Variants in MBD5 observed in about 807,000 individuals in gnomAD.
The protein encoded by MBD5 is methyl-CpG binding domain protein 5.
A neutral mutation model predicts 117.3 loss-of-function variants in MBD5; 13 were observed. The ratio of observed to expected loss-of-function variants is 0.11; its 90% CI spans 0.07 to 0.18. The LOEUF (loss-of-function observed/expected upper bound fraction) is 0.18, where lower values mean the gene tolerates loss of function less well. Among genes scored for constraint, MBD5 ranks in the 10% least tolerant of loss-of-function variants. MBD5 has a pLI of 1.00. For synonymous variants in MBD5, 727 were observed against 766.4 expected (o/e 0.95, Z 0.85); for missense variants, 1,879 against 2,093.8 (o/e 0.90, Z 2.00).
At chr2:148,050,062 C>T (rs947838466) in intron 1 of MBD5, among the ~76,000 whole-genome samples, 1 of 152,092 alleles carries the variant, frequency 6.6e-6, no homozygotes, top group African/African-American at 2.4e-5. Flanking sequence ...TTAACACATT[C>T]CTAGGAATGT....
In MBD5 at chr2:148,407,362, GTGTGTGTTTGTGTGTGTGTGTGTC is replaced by G. The variant is rs1017181988; in HGVS notation, c.-556-50833_-556-50810del. ...TGAGTGTGTGTGTGTGTGTGTGTGT[GTGTGTGTTTGTGTGTGTGTGTGTC>G]TGTGTGTCTGTATGTATTTATGTAT... On this transcript the variant is annotated intron_variant, in intron 4 of 13. Coordinates refer to ENST00000642680, the MANE Select transcript of MBD5 (RefSeq NM_001378120.1). Among the ~76,000 whole-genome samples the G allele has an allele frequency of 2.0e-4, 30 of 151,822 alleles. No individual in the cohort carries two copies. In the East Asian group the frequency reaches 4.3e-3, roughly 22 times the overall value.
At position 148,489,613 on chromosome 2, in the gene MBD5, T is replaced by G. The variant is rs755982193; in HGVS notation, c.3981T>G (p.Asp1327Glu). 8 of 1,614,058 alleles carry G rather than the reference T, an allele frequency of 5.0e-6. No individual in the cohort carries two copies. The South Asian group carries it at 8.8e-5, about 18-fold the overall frequency. ...SVDAIYKAVV[D>E]AASKGMQVVI... is the part of the protein sequence containing the mutation. Reference sequence around the variant, plus strand: ...ATGCCATTTACAAAGCAGTTGTCGATGCAGCCAGCAAAGGAATGCAGGTTG... The same window carrying G: ...ATGCCATTTACAAAGCAGTTGTCGAGGCAGCCAGCAAAGGAATGCAGGTTG... The change falls in exon 11 of 14, where the codon GAT becomes GAG. Residue 1327 changes from aspartate to glutamate, a missense_variant. Transcript: ENST00000642680.
intron 3 of MBD5, among the ~76,000 whole-genome samples, chr2:148,336,459 T>G (rs1479531093): frequency 6.6e-6 from 1 of 152,214 alleles, no homozygotes; most frequent in Non-Finnish European, 1.5e-5. Flanking sequence ...CAATTCTGGC[T>G]CGCTGCAACC....
intron 3 of MBD5, among the ~76,000 whole-genome samples, chr2:148,294,274 G>A (rs1419773561): frequency 6.9e-6 from 1 of 144,418 alleles, no homozygotes; most frequent in Non-Finnish European, 1.5e-5. Flanking sequence ...ATTCAGGCTG[G>A]AGTGCAGTGG....
chr2:148,469,362 G>T lies in MBD5; in HGVS notation c.1419G>T (p.Met473Ile). 6.2e-7 allele frequency: 1 copy of T among 1,613,662 alleles called. No individual in the cohort carries two copies. Among genetic ancestry groups the T allele is most frequent in the Non-Finnish European group, 8.5e-7 (1 of 1,179,920 alleles). The change falls in exon 8 of 14, where the codon ATG becomes ATT. Residue 473 changes from methionine (M) to isoleucine (I), a missense_variant. By Grantham distance (10) the Met-to-Ile change is conservative. This residue lies in a region of MBD5 where 1,666 missense variants were observed against 1,792.2 expected (regional missense o/e 0.93). Transcript: ENST00000642680. ...SSTSSDHGNF[M>I]MPPVGPQATS... ...CATCATCAGATCATGGAAATTTCAT[G>T]ATGCCACCTGTAGGACCCCAGGCCA...
At chr2:148,046,635 C>T (rs1057185241) in intron 1 of MBD5, among the ~76,000 whole-genome samples, 3 of 152,162 alleles carry the variant, frequency 2.0e-5, no homozygotes, top group Non-Finnish European at 4.4e-5. Context: ...TGTTTTCCTT[C>T]CTAATTCCTA....
intron 4 of MBD5, among the ~76,000 whole-genome samples, chr2:148,427,830 A>C (rs1173396866): frequency 6.6e-6 from 1 of 151,156 alleles, no homozygotes; most frequent in African/African-American, 2.4e-5. Context: ...AGAAGGAAAT[A>C]CCCAAAAATG....
At chr2:148,200,171 C>G (rs758099732) in intron 2 of MBD5, among the ~76,000 whole-genome samples, 7 of 149,124 alleles carry the variant, frequency 4.7e-5, no homozygotes, top group Admixed American at 2.7e-4. Context: ...GCAGTCCCCC[C>G]CTTACCTTGC....
At chr2:148,421,887 T>C (rs1431985729) in intron 4 of MBD5, among the ~76,000 whole-genome samples, 6 of 152,176 alleles carry the variant, frequency 3.9e-5, no homozygotes, top group Non-Finnish European at 7.3e-5. Flanking sequence ...TCTAGATTCC[T>C]CCTCTCTGGG....
chr2:148,241,287 T>C (rs1026477094), intron 3 of MBD5, among the ~76,000 whole-genome samples: 4 of 152,118 alleles, frequency 2.6e-5, no homozygotes, highest in Non-Finnish European at 5.9e-5. Flanking sequence ...TCTATTTTGG[T>C]TTTGTTCTTA....
chr2:148,149,769 C>T (rs1310265425), intron 1 of MBD5, among the ~76,000 whole-genome samples: 1 of 151,990 alleles, frequency 6.6e-6, no homozygotes, highest in Non-Finnish European at 1.5e-5. Context: ...TGTCCTTCAC[C>T]CACTTTTTGA....
intron 4 of MBD5, among the ~76,000 whole-genome samples, chr2:148,358,149 T>A (rs1161689260): frequency 6.6e-6 from 1 of 152,160 alleles, no homozygotes; most frequent in Non-Finnish European, 1.5e-5. Context: ...TTAAAAGAAG[T>A]AAAAACATGC....
intron 12 of MBD5, among the ~76,000 whole-genome samples, chr2:148,504,326 T>G (rs1333840336): frequency 2.0e-5 from 3 of 152,234 alleles, no homozygotes; most frequent in African/African-American, 7.2e-5. Flanking sequence ...ATGCTTTACA[T>G]TTTGCACATG....
rs150076451 is a variant in MBD5, at chr2:148,450,784, T to A, written c.-556-7419T>A. Among the ~76,000 whole-genome samples the A allele has an allele frequency of 4.6e-3, 693 of 152,282 alleles. 7 individuals carry two copies. Among genetic ancestry groups the A allele is most frequent in the African/African-American group, 0.016 (655 of 41,568 alleles). Reference sequence around the variant, plus strand: ...TCTCCTGATGGAAGGAACTGCAATTTTGTGGCAGCCTACCACACTTAGCAT... The same window carrying A: ...TCTCCTGATGGAAGGAACTGCAATTATGTGGCAGCCTACCACACTTAGCAT... On this transcript the variant is annotated intron_variant, in intron 4 of 13. Transcript: ENST00000642680.
intron 11 of MBD5, among the ~76,000 whole-genome samples, chr2:148,500,618 T>C (rs889730497): frequency 6.6e-6 from 1 of 152,146 alleles, no homozygotes; most frequent in Non-Finnish European, 1.5e-5. Flanking sequence ...TTAAGACCAA[T>C]GGGGTAAGTT....
chr2:148,462,802 T>G (rs999693695), intron 6 of MBD5, 118 bp downstream of exon 6: 2 of 712,012 alleles, frequency 2.8e-6, no homozygotes, highest in African/African-American at 1.8e-5. Context: ...TTTTAATTCT[T>G]TATCTAATTC....
chr2:148,307,896 GT>G (rs1445042548), intron 3 of MBD5, among the ~76,000 whole-genome samples: 1 of 151,232 alleles, frequency 6.6e-6, no homozygotes, highest in African/African-American at 2.4e-5. Flanking sequence ...GTGGTGTTTG[GT>G]TTTCTGTTCC....
chr2:148,144,581 G>A (rs1239530720), intron 1 of MBD5, among the ~76,000 whole-genome samples: 1 of 152,144 alleles, frequency 6.6e-6, no homozygotes, highest in African/African-American at 2.4e-5. Flanking sequence ...ATGGTTTTAT[G>A]TCTAACATTT....
chr2:148,499,718 C>A (rs1455326784), intron 11 of MBD5, among the ~76,000 whole-genome samples: 1 of 152,060 alleles, frequency 6.6e-6, no homozygotes, highest in African/African-American at 2.4e-5. Flanking sequence ...TACAAGTTAG[C>A]TAAGTAATTT....
Sources: gnomAD v4.1 joint callset for allele counts (sites outside exome capture counted in the v4.1 genomes callset) on GRCh38, gnomAD v4.1.1 for gene constraint, gnomAD v4.1.1 regional missense constraint, MANE v1.5 for transcripts, NCBI Gene and HGNC (gene_info 2026-07-23, HGNC 2026-07-21) for gene names.